PTBP2: variants seen among roughly 807,000 people sequenced by gnomAD.
PTBP2 encodes polypyrimidine tract-binding protein 2.
In PTBP2, 13 loss-of-function variants were observed where a neutral mutation model predicts 61.4. The ratio of observed to expected loss-of-function variants is 0.21; its 90% CI spans 0.14 to 0.34. PTBP2 has a LOEUF of 0.34. Among genes scored for constraint, PTBP2 ranks in the 10% least tolerant of loss-of-function variants. PTBP2 has a pLI of 1.00. For missense variants in PTBP2, 405 were observed against 642.6 expected, an observed-to-expected ratio of 0.63 and a Z score of 4.00; for synonymous variants, 215 against 218.5, an observed-to-expected ratio of 0.98 and a Z score of 0.14.
intron 8 of PTBP2, among the ~76,000 whole-genome samples, chr1:96,796,548 C>A (rs917622145): frequency 6.6e-6 from 1 of 151,952 alleles, no homozygotes. Flanking sequence ...GGGAAACTCT[C>A]AAAAATGGAC....
chr1:96,787,458 C>A (rs1017399561), intron 8 of PTBP2, among the ~76,000 whole-genome samples: 2 of 152,044 alleles, frequency 1.3e-5, no homozygotes, highest in Admixed American at 1.3e-4. Context: ...ATTTTTGTTT[C>A]TTCATCTCTG....
At chr1:96,747,412 A>G (rs1653978356) in intron 2 of PTBP2, among the ~76,000 whole-genome samples, 1 of 152,278 alleles carries the variant, frequency 6.6e-6, no homozygotes, top group South Asian at 2.1e-4. Flanking sequence ...AAATCCTTAC[A>G]TACTCAGAGT....
At chr1:96,764,857 G>A (rs139090242) in intron 3 of PTBP2, among the ~76,000 whole-genome samples, 2 of 152,138 alleles carry the variant, frequency 1.3e-5, no homozygotes, top group African/African-American at 4.8e-5. Flanking sequence ...TTCTCTAGGT[G>A]CCTTCTGTGT....
intron 11 of PTBP2, among the ~76,000 whole-genome samples, chr1:96,808,350 T>A (rs1661700459): frequency 1.3e-5 from 2 of 152,264 alleles, no homozygotes; most frequent in South Asian, 4.1e-4. Context: ...AGATTGTTTC[T>A]GGTGAGGTCT....
chr1:96,740,829 G>A (rs1652906405), intron 2 of PTBP2, among the ~76,000 whole-genome samples: 1 of 151,658 alleles, frequency 6.6e-6, no homozygotes, highest in Non-Finnish European at 1.5e-5. Context: ...TATGATATAT[G>A]AATATATCAT....
chr1:96,722,750 C>A (rs931401690), intron 1 of PTBP2, among the ~76,000 whole-genome samples: 3 of 152,190 alleles, frequency 2.0e-5, no homozygotes, highest in Non-Finnish European at 4.4e-5. Context: ...AAACCCAGAA[C>A]CATGCTGCAT....
intron 8 of PTBP2, among the ~76,000 whole-genome samples, chr1:96,789,745 T>C (rs1341443749): frequency 1.3e-5 from 2 of 152,122 alleles, no homozygotes; most frequent in Admixed American, 1.3e-4. Flanking sequence ...CATACACCTG[T>C]CATCTTGGTT....
intron 7 of PTBP2, chr1:96,784,808 G>A: frequency 2.8e-6 from 1 of 354,152 alleles, no homozygotes; most frequent in Non-Finnish European, 5.0e-6. Flanking sequence ...AAAATTAAAA[G>A]TATTAGCATG....
chr1:96,758,346 A>G (rs1472368651), intron 3 of PTBP2, among the ~76,000 whole-genome samples: 1 of 152,108 alleles, frequency 6.6e-6, no homozygotes, highest in Non-Finnish European at 1.5e-5. Flanking sequence ...ATGAAATTTT[A>G]AAGGAATACT....
At chr1:96,811,633 T>C (rs1256131227) in intron 11 of PTBP2, among the ~76,000 whole-genome samples, 2 of 152,136 alleles carry the variant, frequency 1.3e-5, no homozygotes, top group African/African-American at 2.4e-5. Context: ...GCCAGGCTGG[T>C]CTCGAACTCC....
rs994134236 is a variant in PTBP2 at position 96,814,365 on chromosome 1, TAAAG to T, written c.*965_*968del. ...AACTGGTGCATGTATTTTTCAAAGATAAAGAAAGTGTACTGCGAAAATATGCAGG... is the reference window on the plus strand; with the variant it reads ...AACTGGTGCATGTATTTTTCAAAGATAAAGTGTACTGCGAAAATATGCAGG... On this transcript the variant is annotated 3_prime_UTR_variant, in exon 14 of 14. Transcript: ENST00000674951. 22 of 152,656 alleles carry T rather than the reference TAAAG, an allele frequency of 1.4e-4. No homozygotes were observed. The highest frequency in any genetic ancestry group is 4.1e-4 in the South Asian group (2 of 4,824). The allele number at this position is 152,656 out of a possible 1,614,324, so 9.5% of individuals were successfully genotyped here. A position where few individuals can be genotyped will look rare whatever the true frequency, so the allele number is the denominator to read the frequency against.
intron 5 of PTBP2, among the ~76,000 whole-genome samples, chr1:96,774,749 G>A (rs982414525): frequency 8.6e-5 from 13 of 151,950 alleles, no homozygotes; most frequent in Middle Eastern, 3.2e-3. Flanking sequence ...CAGCCAGTAC[G>A]TATCTTTCTC....
chr1:96,812,380 A>G lies in PTBP2; in HGVS notation c.1172-332A>G, dbSNP rs1662168650. ...GCTATCACAATATTTAGCAATTAGG[A>G]TGTGTAACAGAAGGGAGAAAAAGAG... On this transcript the variant is annotated intron_variant, in intron 11 of 13. Coordinates refer to ENST00000674951, the MANE Select transcript of PTBP2 (RefSeq NM_021190.4). Among the ~76,000 whole-genome samples the G allele has an allele frequency of 3.9e-5, 6 of 152,290 alleles. No homozygotes were observed. The South Asian group carries it at 1.2e-3, about 32-fold the overall frequency.
intron 2 of PTBP2, among the ~76,000 whole-genome samples, chr1:96,747,618 G>GA (rs1433460614): frequency 3.3e-5 from 5 of 152,102 alleles, no homozygotes; most frequent in Non-Finnish European, 4.4e-5. Flanking sequence ...GGCAAAGGCT[G>GA]AAAAAACTAT....
At chr1:96,773,149 G>A (rs12075245) in intron 5 of PTBP2, among the ~76,000 whole-genome samples, 37,461 of 139,684 alleles carry the variant, frequency 0.27, 6,265 homozygotes, top group African/African-American at 0.49. Context: ...AAAAAAAAGA[G>A]TAAAGCTGAG....
intron 2 of PTBP2, among the ~76,000 whole-genome samples, chr1:96,732,663 A>G (rs540977891): frequency 1.3e-5 from 2 of 152,346 alleles, no homozygotes; most frequent in South Asian, 4.1e-4. Flanking sequence ...TAAGTGCTAT[A>G]TGGCTACAGT....
intron 3 of PTBP2, among the ~76,000 whole-genome samples, chr1:96,753,416 A>C (rs1168237178): frequency 6.6e-6 from 1 of 152,178 alleles, no homozygotes; most frequent in Non-Finnish European, 1.5e-5. Flanking sequence ...TGAAGGATTC[A>C]CCAGTTAATC....
intron 11 of PTBP2, among the ~76,000 whole-genome samples, chr1:96,810,474 A>G (rs980958601): frequency 2.0e-5 from 3 of 152,152 alleles, no homozygotes; most frequent in African/African-American, 4.8e-5. Context: ...ATTGTCAGCA[A>G]TCAGCTGGCT....
At chr1:96,746,703 A>AG (rs1653817357) in intron 2 of PTBP2, among the ~76,000 whole-genome samples, 1 of 44,906 alleles carries the variant, frequency 2.2e-5, no homozygotes, top group Non-Finnish European at 4.2e-5. Flanking sequence ...ACTTTGTCTG[A>AG]AAAAAAAAAA....
Sources: gnomAD v4.1 joint callset for allele counts (sites outside exome capture counted in the v4.1 genomes callset) on GRCh38, gnomAD v4.1.1 for gene constraint, MANE v1.5 for transcripts, NCBI Gene and HGNC (gene_info 2026-07-23, HGNC 2026-07-21) for gene names.